VPS4B: variants seen among roughly 807,000 people sequenced by gnomAD.
VPS4B encodes the protein vacuolar protein sorting-associated protein 4B.
A neutral mutation model predicts 56.1 loss-of-function variants in VPS4B; 23 were observed. That is an observed-to-expected ratio of 0.41 (90% CI 0.30 to 0.58). VPS4B has a LOEUF of 0.58. Among genes scored for constraint, VPS4B ranks in the 20% least tolerant of loss-of-function variants. The probability of loss-of-function intolerance (pLI) is 0.29; values close to 1 mark genes in which losing one functional copy is unlikely to be tolerated. For missense variants in VPS4B, 372 were observed against 531.9 expected, an observed-to-expected ratio of 0.70 and a Z score of 2.96; for synonymous variants, 177 against 186.0, an observed-to-expected ratio of 0.95 and a Z score of 0.39.
Position 63,399,337 on chromosome 18 carries a change from G to A in VPS4B, c.791-14C>T, listed in dbSNP as rs754411433. 41 of 1,601,642 alleles carry A rather than the reference G, an allele frequency of 2.6e-5. No homozygotes were observed. Among genetic ancestry groups the A allele is most frequent in the Non-Finnish European group, 6.8e-6 (8 of 1,170,040 alleles). ...CTACACCAACCCCTGCATTAAAATA[G>A]GTAATGCTTTAATTAATTTGTCATT... On this transcript the variant is annotated splice_polypyrimidine_tract_variant and intron_variant, in intron 7 of 10. Coordinates refer to ENST00000238497, the MANE Select transcript of VPS4B (RefSeq NM_004869.4).
chr18:63,409,552 A>G (rs973060550), intron 3 of VPS4B, among the ~76,000 whole-genome samples: 9 of 152,244 alleles, frequency 5.9e-5, no homozygotes, highest in Non-Finnish European at 1.2e-4. Context: ...TAGGACAGCC[A>G]GAGAGGATGT....
intron 8 of VPS4B, among the ~76,000 whole-genome samples, chr18:63,398,190 TACAC>T (rs967159935): frequency 3.0e-5 from 4 of 132,764 alleles, no homozygotes; most frequent in South Asian, 2.6e-4. Flanking sequence ...TATACATATA[TACAC>T]ACACACACAC....
chr18:63,416,806 T>C (rs1916176799), intron 1 of VPS4B, among the ~76,000 whole-genome samples: 1 of 152,124 alleles, frequency 6.6e-6, no homozygotes, highest in Non-Finnish European at 1.5e-5. Flanking sequence ...TTCCCTCCTT[T>C]CCCCAGACAG....
chr18:63,398,204 C>CACACACACAT (rs1298374245), intron 8 of VPS4B, among the ~76,000 whole-genome samples: 103 of 112,482 alleles, frequency 9.2e-4, no homozygotes, highest in African/African-American at 3.3e-3. Flanking sequence ...CACACACACA[C>CACACACACAT]ATATATATAT....
intron 5 of VPS4B, among the ~76,000 whole-genome samples, chr18:63,402,834 T>C (rs955625867): frequency 2.0e-5 from 3 of 152,344 alleles, no homozygotes; most frequent in East Asian, 1.9e-4. Context: ...ACAGGCTTTT[T>C]GCTCTTCATC....
At chr18:63,408,553 G>A (rs1261673291) in intron 3 of VPS4B, among the ~76,000 whole-genome samples, 1 of 152,184 alleles carries the variant, frequency 6.6e-6, no homozygotes, top group Admixed American at 6.5e-5. Context: ...GGTGGGGGCT[G>A]CTCACAAGGA....
rs572303956 is a variant in VPS4B, at chr18:63,421,392, C to T, written c.27+841G>A. On this transcript the variant is annotated intron_variant, in intron 1 of 10. Transcript: ENST00000238497. Reference sequence around the variant, plus strand: ...GCTTGTTCAACAAACTACCGGAAGTCCACGACGGGGACTCAATACAAGTAT... The same window carrying T: ...GCTTGTTCAACAAACTACCGGAAGTTCACGACGGGGACTCAATACAAGTAT... 2.4e-4 allele frequency among the ~76,000 whole-genome samples: 36 copies of T among 152,296 alleles called. 1 individual carries two copies. The South Asian group carries it at 7.3e-3, about 31-fold the overall frequency.
intron 1 of VPS4B, among the ~76,000 whole-genome samples, chr18:63,419,321 G>A (rs116561098): frequency 0.027 from 4,096 of 152,130 alleles, 178 homozygotes; most frequent in African/African-American, 0.093. Flanking sequence ...GGGGGCTGAT[G>A]CAGGGGAATC....
chr18:63,397,953 T>C (rs1915708077), intron 8 of VPS4B, among the ~76,000 whole-genome samples: 1 of 152,158 alleles, frequency 6.6e-6, no homozygotes, highest in Admixed American at 6.5e-5. Flanking sequence ...CCTTTCTTGG[T>C]ACTGGATGGT....
intron 1 of VPS4B, among the ~76,000 whole-genome samples, chr18:63,417,228 T>C (rs1916187617): frequency 6.6e-6 from 1 of 152,346 alleles, no homozygotes; most frequent in South Asian, 2.1e-4. Context: ...AAAGTCTTAT[T>C]TGACAAAACA....
At chr18:63,401,119 C>T (rs1915798287) in intron 5 of VPS4B, among the ~76,000 whole-genome samples, 1 of 152,182 alleles carries the variant, frequency 6.6e-6, no homozygotes, top group South Asian at 2.1e-4. Context: ...AAATGGGCAG[C>T]TGGAAGAGAT....
chr18:63,395,247 T>C (rs1915644553), intron 9 of VPS4B, among the ~76,000 whole-genome samples: 1 of 152,204 alleles, frequency 6.6e-6, no homozygotes, highest in Non-Finnish European at 1.5e-5. Context: ...TTCCTATGCA[T>C]TTATAGTTTC....
chr18:63,413,294 C>G (rs1916086881), intron 1 of VPS4B, among the ~76,000 whole-genome samples: 1 of 152,150 alleles, frequency 6.6e-6, no homozygotes, highest in Non-Finnish European at 1.5e-5. Context: ...GCGTGTGAAT[C>G]TACAATTATC....
intron 4 of VPS4B, 141 bp from the exon 5 acceptor site, chr18:63,403,967 A>T: frequency 1.1e-6 from 1 of 933,884 alleles, no homozygotes; most frequent in Non-Finnish European, 1.5e-6. Flanking sequence ...AAATAGCGTG[A>T]GCAGGAAGCA....
chr18:63,405,335 C>T (rs1001205509), intron 4 of VPS4B, among the ~76,000 whole-genome samples: 11 of 151,812 alleles, frequency 7.2e-5, no homozygotes, highest in African/African-American at 2.2e-4. Flanking sequence ...AATCACAAAC[C>T]GATTTTTAAT....
intron 8 of VPS4B, among the ~76,000 whole-genome samples, chr18:63,398,223 A>T (rs200672788): frequency 0.058 from 2,655 of 45,654 alleles, 50 homozygotes; most frequent in African/African-American, 0.071. Flanking sequence ...ATATATATAT[A>T]TTTTTTTTTG....
At chr18:63,405,479 A>T (rs1228497736) in intron 4 of VPS4B, among the ~76,000 whole-genome samples, 1 of 152,172 alleles carries the variant, frequency 6.6e-6, no homozygotes, top group Non-Finnish European at 1.5e-5. Flanking sequence ...AAAAGTAGAA[A>T]AAAAAGGATA....
intron 3 of VPS4B, 49 bp downstream of exon 3, chr18:63,410,241 A>C (rs759250120): frequency 6.9e-6 from 11 of 1,598,454 alleles, no homozygotes; most frequent in Middle Eastern, 3.3e-4. Flanking sequence ...AAATTTCACA[A>C]ATCGAAAGCA....
chr18:63,393,503 AGATCATCTAC>A lies in VPS4B; in HGVS notation c.1129_1138del (p.Val377CysfsTer2). 6.2e-7 allele frequency: 1 copy of A among 1,611,928 alleles called. No homozygotes were observed. The highest frequency in any genetic ancestry group is 8.5e-7 in the Non-Finnish European group (1 of 1,178,948). The stretch of plus-strand genomic sequence containing the variant: ...GTCACCTGGAGAGCAAGGTGTTAGC[AGATCATCTAC>A]AAGATGGTTAGGATCAGCTCGGGAA... On this transcript the variant is annotated frameshift_variant, in exon 10 of 11. Coordinates refer to ENST00000238497, the MANE Select transcript of VPS4B (RefSeq NM_004869.4). LOFTEE classifies it high-confidence loss of function.
Sources: gnomAD v4.1 joint callset for allele counts (sites outside exome capture counted in the v4.1 genomes callset) on GRCh38, gnomAD v4.1.1 for gene constraint, MANE v1.5 for transcripts, NCBI Gene and HGNC (gene_info 2026-07-23, HGNC 2026-07-21) for gene names.